The following LRRC4C variants were observed in gnomAD, a reference collection of about 807,000 sequenced individuals.
The protein encoded by LRRC4C is leucine-rich repeat-containing protein 4C.
Under a neutral mutation model 33.6 loss-of-function variants are expected in LRRC4C, and 5 were observed. That is an observed-to-expected ratio of 0.15 (90% CI 0.08 to 0.31). The LOEUF (loss-of-function observed/expected upper bound fraction) is 0.31. LRRC4C is among the 10% of genes least tolerant of loss of function. LRRC4C has a pLI of 1.00. For synonymous variants in LRRC4C, 329 were observed against 302.0 expected (o/e 1.09, Z -0.93); for missense variants, 560 against 796.7 (o/e 0.70, Z 3.58).
chr11:40,924,615 G>A (rs998571090), intron 2 of LRRC4C, among the ~76,000 whole-genome samples: 2 of 152,072 alleles, frequency 1.3e-5, no homozygotes, highest in Non-Finnish European at 2.9e-5. Context: ...AATTTGCCAT[G>A]TACCTCAAAT....
chr11:40,218,642 T>TATCTATCTATCTATCTATC (rs60174276), intron 5 of LRRC4C, among the ~76,000 whole-genome samples: 7,735 of 111,118 alleles, frequency 0.07, 576 homozygotes, highest in East Asian at 0.11. Context: ...ATGTATCTAT[T>TATCTATCTATCTATCTATC]TATCTATCTA....
In LRRC4C at chr11:40,352,300, C is replaced by T. The variant is rs550010609; in HGVS notation, c.-269-32579G>A. Among the ~76,000 whole-genome samples the T allele has an allele frequency of 4.6e-5, 7 of 151,780 alleles. No individual in the cohort carries two copies. The South Asian group carries it at 8.3e-4, about 18-fold the overall frequency. Reference sequence around the variant, plus strand: ...ATGTTACCATGAGGCTTGTGAATAACATCCTATAAACCATTATTTTAAACA... The same window carrying T: ...ATGTTACCATGAGGCTTGTGAATAATATCCTATAAACCATTATTTTAAACA... On this transcript the variant is annotated intron_variant, in intron 3 of 6. Transcript: ENST00000528697.
At chr11:40,452,283 T>G (rs1951923044) in intron 3 of LRRC4C, among the ~76,000 whole-genome samples, 1 of 152,174 alleles carries the variant, frequency 6.6e-6, no homozygotes, top group African/African-American at 2.4e-5. Flanking sequence ...TCTACTCATC[T>G]GACAAAGGGC....
intron 3 of LRRC4C, among the ~76,000 whole-genome samples, chr11:40,339,541 C>T (rs1441049788): frequency 6.6e-6 from 1 of 152,130 alleles, no homozygotes; most frequent in Non-Finnish European, 1.5e-5. Context: ...CTACCCAATG[C>T]CTTGAGCAGT....
At chr11:41,358,071 T>A (rs1427813631) in intron 1 of LRRC4C, among the ~76,000 whole-genome samples, 1 of 151,870 alleles carries the variant, frequency 6.6e-6, no homozygotes, top group African/African-American at 2.4e-5. Context: ...AATCAAGAAA[T>A]AGAATAGAGA....
intron 2 of LRRC4C, among the ~76,000 whole-genome samples, chr11:40,794,531 A>G (rs1158931509): frequency 1.3e-5 from 2 of 152,180 alleles, no homozygotes; most frequent in African/African-American, 2.4e-5. Context: ...TTTGTCTGTA[A>G]GAAATATCCT....
intron 1 of LRRC4C, among the ~76,000 whole-genome samples, chr11:41,053,019 G>T (rs181331611): frequency 6.6e-6 from 1 of 152,082 alleles, no homozygotes; most frequent in African/African-American, 2.4e-5. Flanking sequence ...CAAGTAGCAT[G>T]TTTCTGGGCA....
At chr11:41,021,361 G>T (rs61887658) in intron 1 of LRRC4C, among the ~76,000 whole-genome samples, 4,610 of 151,502 alleles carry the variant, frequency 0.03, 69 homozygotes, top group African/African-American at 0.046. Flanking sequence ...TAGCTCTAGA[G>T]TTCTCCTTTC....
chr11:41,144,219 G>A (rs1045538724), intron 1 of LRRC4C, among the ~76,000 whole-genome samples: 8 of 152,144 alleles, frequency 5.3e-5, no homozygotes, highest in Non-Finnish European at 8.8e-5. Context: ...GCTTTCAGCT[G>A]GGAATAAAAT....
chr11:41,176,675 G>A (rs1279292654), intron 1 of LRRC4C, among the ~76,000 whole-genome samples: 5 of 152,142 alleles, frequency 3.3e-5, no homozygotes, highest in African/African-American at 9.7e-5. Flanking sequence ...GGAGCTAGGA[G>A]AGGCTAGGGT....
intron 2 of LRRC4C, among the ~76,000 whole-genome samples, chr11:40,771,823 A>G (rs1012853528): frequency 2.4e-4 from 36 of 152,306 alleles, no homozygotes; most frequent in African/African-American, 8.7e-4. Flanking sequence ...TGTTCATAAC[A>G]CTGTCAGCAT....
intron 5 of LRRC4C, among the ~76,000 whole-genome samples, chr11:40,217,134 TC>T (rs1864035995): frequency 6.6e-6 from 1 of 152,192 alleles, no homozygotes; most frequent in Non-Finnish European, 1.5e-5. Flanking sequence ...AATTTTTTTA[TC>T]TATGTACATA....
At chr11:40,773,448 T>C (rs1949845624) in intron 2 of LRRC4C, among the ~76,000 whole-genome samples, 1 of 151,434 alleles carries the variant, frequency 6.6e-6, no homozygotes, top group Non-Finnish European at 1.5e-5. Flanking sequence ...CATATATCTG[T>C]ATCAAAATAT....
intron 2 of LRRC4C, among the ~76,000 whole-genome samples, chr11:40,705,840 T>C (rs1434418931): frequency 6.6e-6 from 1 of 152,142 alleles, no homozygotes; most frequent in East Asian, 1.9e-4. Flanking sequence ...AAAGTGTTCC[T>C]ATTTCTCCAC....
intron 5 of LRRC4C, among the ~76,000 whole-genome samples, chr11:40,234,248 G>T (rs751216974): frequency 6.6e-6 from 1 of 152,166 alleles, no homozygotes; most frequent in Non-Finnish European, 1.5e-5. Flanking sequence ...TCATTTTGTA[G>T]AATTCTCTCA....
chr11:41,143,131 G>T (rs962852051), intron 1 of LRRC4C, among the ~76,000 whole-genome samples: 1 of 151,912 alleles, frequency 6.6e-6, no homozygotes, highest in Non-Finnish European at 1.5e-5. Context: ...TCTATGGAAA[G>T]TGCCACAATA....
At chr11:41,244,730 C>G (rs1948384209) in intron 1 of LRRC4C, among the ~76,000 whole-genome samples, 1 of 152,162 alleles carries the variant, frequency 6.6e-6, no homozygotes. Flanking sequence ...CTATTTCTTA[C>G]TGTATCTGCC....
chr11:40,384,501 T>C (rs1172503371), intron 3 of LRRC4C, among the ~76,000 whole-genome samples: 1 of 152,180 alleles, frequency 6.6e-6, no homozygotes, highest in Non-Finnish European at 1.5e-5. Context: ...TTGCAAGTCA[T>C]GTACCTAACA....
At chr11:41,273,525 G>C (rs979253493) in intron 1 of LRRC4C, among the ~76,000 whole-genome samples, 5 of 152,108 alleles carry the variant, frequency 3.3e-5, no homozygotes, top group Admixed American at 2.6e-4. Context: ...TTCCACTTAC[G>C]TGACAGATTT....
Sources: gnomAD v4.1 joint callset for allele counts (sites outside exome capture counted in the v4.1 genomes callset) on GRCh38, gnomAD v4.1.1 for gene constraint, MANE v1.5 for transcripts, NCBI Gene and HGNC (gene_info 2026-07-23, HGNC 2026-07-21) for gene names.